The following FHIT variants were observed in gnomAD, a reference collection of about 807,000 sequenced individuals.
FHIT encodes the protein fragile histidine triad diadenosine triphosphatase.
A neutral mutation model predicts 17.9 loss-of-function variants in FHIT; 19 were observed. The ratio of observed to expected loss-of-function variants is 1.06; its 90% CI spans 0.74 to 1.56. The LOEUF is 1.56. Among genes scored for constraint, FHIT ranks in the 40% most tolerant of loss-of-function variants. FHIT has a pLI of 0.00. For missense variants in FHIT, 248 were observed against 189.2 expected, an observed-to-expected ratio of 1.31 and a Z score of -1.82; for synonymous variants, 81 against 69.7, an observed-to-expected ratio of 1.16 and a Z score of -0.81.
chr3:60,562,906 T>C (rs1244880119), intron 4 of FHIT, among the ~76,000 whole-genome samples: 1 of 152,098 alleles, frequency 6.6e-6, no homozygotes, highest in Non-Finnish European at 1.5e-5. Flanking sequence ...TTATTGGAGG[T>C]CCTCAAGATC....
intron 7 of FHIT, among the ~76,000 whole-genome samples, chr3:59,941,623 C>G (rs1706524658): frequency 6.6e-6 from 1 of 152,050 alleles, no homozygotes; most frequent in African/African-American, 2.4e-5. Context: ...TCTTTGCATT[C>G]AAAGTGTGAT....
intron 4 of FHIT, among the ~76,000 whole-genome samples, chr3:60,683,524 A>G (rs1462506830): frequency 2.0e-5 from 1 of 49,504 alleles, no homozygotes; most frequent in Admixed American, 2.1e-4. Flanking sequence ...TTAAATTAAG[A>G]TAACATATTT....
chr3:60,206,795 G>A (rs1037620722), intron 5 of FHIT, among the ~76,000 whole-genome samples: 1 of 151,524 alleles, frequency 6.6e-6, no homozygotes, highest in Non-Finnish European at 1.5e-5. Context: ...AATAAAAGAG[G>A]CTGCCCTTTA....
chr3:60,989,499 T>C lies in FHIT; in HGVS notation c.-111+52548A>G, dbSNP rs142305496. On this transcript the variant is annotated intron_variant, in intron 3 of 9. Transcript: ENST00000492590. Reference sequence around the variant, plus strand: ...GACACTTTGCTTAGGATTCAATGTATATCTTTCATTTAACCTTCACAACAA... The same window carrying C: ...GACACTTTGCTTAGGATTCAATGTACATCTTTCATTTAACCTTCACAACAA... 4.1e-4 allele frequency among the ~76,000 whole-genome samples: 62 copies of C among 152,310 alleles called. 2 individuals carry two copies. The East Asian group carries it at 0.011, about 27-fold the overall frequency.
intron 1 of FHIT, among the ~76,000 whole-genome samples, chr3:61,205,099 G>A (rs1041104626): frequency 2.0e-5 from 3 of 151,720 alleles, no homozygotes; most frequent in African/African-American, 4.8e-5. Flanking sequence ...GTGATAGTTT[G>A]CAGAGAATGA....
intron 4 of FHIT, among the ~76,000 whole-genome samples, chr3:60,660,729 C>CTTTTTTTGTTTTTTTTTTTTTTTTTTTT (rs2040222733): frequency 2.7e-5 from 1 of 37,278 alleles, no homozygotes. Context: ...TTATTGTGCT[C>CTTTTTTTGTTTTTTTTTTTTTTTTTTTT]TTTTTTTTTT....
At chr3:60,068,916 T>C (rs1702637331) in intron 5 of FHIT, among the ~76,000 whole-genome samples, 1 of 152,196 alleles carries the variant, frequency 6.6e-6, no homozygotes, top group Admixed American at 6.5e-5. Context: ...CAAGGATGTT[T>C]ATTGTAAGAC....
At chr3:59,887,146 A>G (rs1355446262) in intron 8 of FHIT, among the ~76,000 whole-genome samples, 1 of 152,242 alleles carries the variant, frequency 6.6e-6, no homozygotes, top group African/African-American at 2.4e-5. Context: ...CCAAAGACCC[A>G]GAATTTGAAC....
At chr3:61,185,575 C>G (rs1459025862) in intron 2 of FHIT, among the ~76,000 whole-genome samples, 1 of 152,208 alleles carries the variant, frequency 6.6e-6, no homozygotes, top group African/African-American at 2.4e-5. Flanking sequence ...AGCAGAGGTG[C>G]TTTTCAAATC....
chr3:61,106,959 C>T (rs2036009271), intron 2 of FHIT, among the ~76,000 whole-genome samples: 3 of 152,206 alleles, frequency 2.0e-5, no homozygotes, highest in African/African-American at 2.4e-5. Context: ...ATGCCTGGCC[C>T]ATCACATCAT....
chr3:60,350,408 G>A (rs1318310677), intron 5 of FHIT, among the ~76,000 whole-genome samples: 1 of 152,068 alleles, frequency 6.6e-6, no homozygotes, highest in Non-Finnish European at 1.5e-5. Flanking sequence ...AAACTCCCAT[G>A]ATTTTATATA....
chr3:60,200,757 T>G (rs571285574), intron 5 of FHIT, among the ~76,000 whole-genome samples: 2 of 152,214 alleles, frequency 1.3e-5, no homozygotes, highest in Non-Finnish European at 2.9e-5. Context: ...ATTTTAATGC[T>G]ACACTGCTCT....
At chr3:59,883,413 C>T (rs1703487845) in intron 8 of FHIT, among the ~76,000 whole-genome samples, 1 of 152,148 alleles carries the variant, frequency 6.6e-6, no homozygotes, top group Non-Finnish European at 1.5e-5. Flanking sequence ...AGGTGAAAGG[C>T]ATGTTTTATG....
At chr3:60,569,376 G>T (rs895272303) in intron 4 of FHIT, among the ~76,000 whole-genome samples, 45 of 152,116 alleles carry the variant, frequency 3.0e-4, no homozygotes, top group Middle Eastern at 3.4e-3. Context: ...TATTCCCAAA[G>T]AGGCTAACTC....
Position 60,040,196 on chromosome 3 carries a change from A to T in FHIT, c.104-26044T>A, listed in dbSNP as rs558273104. Among the ~76,000 whole-genome samples, 3 of 152,068 alleles carry T rather than the reference A, an allele frequency of 2.0e-5. No homozygotes were observed. In the South Asian group the frequency reaches 6.3e-4, roughly 32 times the overall value. The stretch of plus-strand genomic sequence containing the variant: ...GAGTCTTGCTCTGTCTCCAGGCTGG[A>T]GTACAATGATGTGATCTCGGCTCAC... On this transcript the variant is annotated intron_variant, in intron 5 of 9. Transcript: ENST00000492590.
intron 5 of FHIT, among the ~76,000 whole-genome samples, chr3:60,500,903 T>G (rs964205250): frequency 1.4e-4 from 22 of 152,128 alleles, no homozygotes. Flanking sequence ...GGCTTCTTTT[T>G]GGAAGAAAAC....
chr3:60,262,818 T>G (rs953975008), intron 5 of FHIT, among the ~76,000 whole-genome samples: 1 of 151,612 alleles, frequency 6.6e-6, no homozygotes, highest in African/African-American at 2.4e-5. Flanking sequence ...TTAGGTACTT[T>G]ATATGACTTA....
chr3:60,129,049 G>GTTTT lies in FHIT; in HGVS notation c.104-114898_104-114897insAAAA, dbSNP rs1553692328. On this transcript the variant is annotated intron_variant, in intron 5 of 9. Transcript: ENST00000492590. Reference sequence around the variant, plus strand: ...TTTCCCTTTTCTTCTTTCCTTTTTTGTTTGTTTTTTTTTTTTTTTTTGAAA... The same window carrying GTTTT: ...TTTCCCTTTTCTTCTTTCCTTTTTTGTTTTTTTGTTTTTTTTTTTTTTTTTGAAA... 3.0e-3 allele frequency among the ~76,000 whole-genome samples: 363 copies of GTTTT among 120,988 alleles called. 16 individuals carry two copies. Among genetic ancestry groups the GTTTT allele is most frequent in the Non-Finnish European group, 3.8e-3 (233 of 61,692 alleles). The allele number at this position is 120,988 out of a possible 152,430, so 79.4% of individuals were successfully genotyped here.
In FHIT at chr3:59,987,568, G is replaced by A. The variant is rs192177541; in HGVS notation, c.279+23803C>T. Among the ~76,000 whole-genome samples, 51 of 152,090 alleles carry A rather than the reference G, an allele frequency of 3.4e-4. No individual in the cohort carries two copies. The East Asian group carries it at 8.3e-3, about 25-fold the overall frequency. On this transcript the variant is annotated intron_variant, in intron 7 of 9. Coordinates refer to ENST00000492590, the MANE Select transcript of FHIT (RefSeq NM_002012.4). ...CTGTATTAAGACACAGCATCACCCA[G>A]TTTTATACTGTAAGCTCATTTCCAA...
Sources: gnomAD v4.1 joint callset for allele counts (sites outside exome capture counted in the v4.1 genomes callset) on GRCh38, gnomAD v4.1.1 for gene constraint, MANE v1.5 for transcripts, NCBI Gene and HGNC (gene_info 2026-07-23, HGNC 2026-07-21) for gene names.